The following HPGDS variants were observed in gnomAD, a reference collection of about 807,000 sequenced individuals.
The protein encoded by HPGDS is GST class-sigma.
Under a neutral mutation model 23.1 loss-of-function variants are expected in HPGDS, and 26 were observed. That is an observed-to-expected ratio of 1.13 (90% CI 0.83 to 1.56). HPGDS has a LOEUF of 1.56. Among genes scored for constraint, HPGDS ranks in the 40% most tolerant of loss-of-function variants. The pLI is 0.00. For missense variants in HPGDS, 268 were observed against 236.4 expected (o/e 1.13, Z -0.88); for synonymous variants, 95 against 77.9 (o/e 1.22, Z -1.16).
At chr4:94,311,988 C>A (rs1214335345) in intron 3 of HPGDS, among the ~76,000 whole-genome samples, 5 of 151,934 alleles carry the variant, frequency 3.3e-5, no homozygotes, top group Non-Finnish European at 7.4e-5. Context: ...GGTTATATCC[C>A]CTTTATCATT....
chr4:94,318,008 A>C (rs767728883), intron 2 of HPGDS, 43 bp from the exon 3 acceptor site: 1 of 1,129,696 alleles, frequency 8.9e-7, no homozygotes, highest in East Asian at 2.4e-5. Flanking sequence ...TAACAAAACC[A>C]GAAGTTATAT....
intron 2 of HPGDS, among the ~76,000 whole-genome samples, chr4:94,330,311 C>G (rs564000164): frequency 3.3e-5 from 5 of 152,084 alleles, no homozygotes; most frequent in Non-Finnish European, 7.4e-5. Flanking sequence ...CAAGGAAGTT[C>G]CAAAATTTGT....
intron 2 of HPGDS, among the ~76,000 whole-genome samples, chr4:94,330,997 C>A (rs961737260): frequency 2.0e-5 from 3 of 152,170 alleles, no homozygotes; most frequent in Non-Finnish European, 2.9e-5. Context: ...AGTAAAGTGA[C>A]ACACAAAAAT....
intron 3 of HPGDS, among the ~76,000 whole-genome samples, chr4:94,309,794 G>T (rs1329184860): frequency 6.6e-6 from 1 of 151,748 alleles, no homozygotes; most frequent in African/African-American, 2.4e-5. Flanking sequence ...AGCACCTGTT[G>T]TTTCCTGACT....
chr4:94,310,996 G>T (rs1756256578), intron 3 of HPGDS, among the ~76,000 whole-genome samples: 1 of 152,164 alleles, frequency 6.6e-6, no homozygotes, highest in African/African-American at 2.4e-5. Flanking sequence ...TGTATCCTGA[G>T]ACTTTGCTGA....
chr4:94,305,601 T>A (rs948446323), intron 4 of HPGDS, among the ~76,000 whole-genome samples: 1 of 152,144 alleles, frequency 6.6e-6, no homozygotes, highest in African/African-American at 2.4e-5. Context: ...AACATGTACA[T>A]AAATATTCAT....
Position 94,299,385 on chromosome 4 carries a change from G to A in HPGDS, c.*95C>T. 1 of 1,027,396 alleles carries A rather than the reference G, an allele frequency of 9.7e-7. No individual in the cohort carries two copies. The highest frequency in any genetic ancestry group is 1.4e-6 in the Non-Finnish European group (1 of 723,648). 63.6% of individuals were successfully genotyped at this position (1,027,396 alleles called of 1,614,324 possible). ...TGAAAATCTTAGTGGAGCTGGGGAGGGAGCATGTGGATTATCTGGCAGGCT... is the reference window on the plus strand; with the variant it reads ...TGAAAATCTTAGTGGAGCTGGGGAGAGAGCATGTGGATTATCTGGCAGGCT... On this transcript the variant is annotated 3_prime_UTR_variant, in exon 6 of 6. Coordinates refer to ENST00000295256, the MANE Select transcript of HPGDS (RefSeq NM_014485.3).
intron 2 of HPGDS, among the ~76,000 whole-genome samples, chr4:94,330,864 A>T (rs1259979887): frequency 6.6e-6 from 1 of 152,240 alleles, no homozygotes; most frequent in East Asian, 1.9e-4. Flanking sequence ...CAGCCGAATT[A>T]AATTTAAAGG....
intron 2 of HPGDS, among the ~76,000 whole-genome samples, chr4:94,330,532 G>A (rs114585889): frequency 6.6e-6 from 1 of 152,138 alleles, no homozygotes; most frequent in East Asian, 1.9e-4. Context: ...AAATTATTAA[G>A]TACAAGACCA....
At chr4:94,307,572 C>T (rs535973451) in intron 4 of HPGDS, among the ~76,000 whole-genome samples, 1 of 152,236 alleles carries the variant, frequency 6.6e-6, no homozygotes. Flanking sequence ...AGAATGGCAT[C>T]ACTGGAATAA....
chr4:94,308,476 G>C (rs570718848), intron 4 of HPGDS, among the ~76,000 whole-genome samples, 158 bp downstream of exon 4: 1 of 152,154 alleles, frequency 6.6e-6, no homozygotes, highest in South Asian at 2.1e-4. Context: ...GGGTACAATA[G>C]GGAATTGCTG....
At chr4:94,318,867 C>A (rs1347859462) in intron 2 of HPGDS, among the ~76,000 whole-genome samples, 1 of 152,114 alleles carries the variant, frequency 6.6e-6, no homozygotes, top group Non-Finnish European at 1.5e-5. Flanking sequence ...TTTGTGCCAC[C>A]ACACCCAGAT....
At chr4:94,320,397 A>G (rs996015938) in intron 2 of HPGDS, among the ~76,000 whole-genome samples, 1 of 152,048 alleles carries the variant, frequency 6.6e-6, no homozygotes, top group African/African-American at 2.4e-5. Flanking sequence ...AAGTGTTCCT[A>G]TTTCTCCACA....
chr4:94,309,757 G>C (rs1756222094), intron 3 of HPGDS, among the ~76,000 whole-genome samples: 2 of 151,566 alleles, frequency 1.3e-5, no homozygotes, highest in Admixed American at 6.6e-5. Context: ...CAGTGTAAAA[G>C]TGTTCCTATT....
chr4:94,308,950 T>G (rs1347938851), intron 3 of HPGDS, among the ~76,000 whole-genome samples: 1 of 151,288 alleles, frequency 6.6e-6, no homozygotes, highest in African/African-American at 2.4e-5. Flanking sequence ...TATTTCTTTA[T>G]GAAAATACAA....
chr4:94,299,845 TG>T (rs973185088), intron 5 of HPGDS, among the ~76,000 whole-genome samples: 1 of 152,216 alleles, frequency 6.6e-6, no homozygotes, highest in African/African-American at 2.4e-5. Flanking sequence ...AACATTTTCG[TG>T]TATAAGATAT....
rs749253895 is a variant in HPGDS, at chr4:94,308,704, T to A, written c.266A>T (p.Asp89Val). ...GNTEMEQCHV[D>V]AIVDTLDDFM... is the part of the protein sequence containing the mutation. ...ATCATCCAGAGTGTCCACAATAGCA[T>A]CAACATGACATTGTTCCATTTCTGT... Residue 89 changes from aspartate (D) to valine (V), a missense_variant, in exon 4 of 6, where the codon GAT becomes GTT. Transcript: ENST00000295256. The A allele has an allele frequency of 1.2e-6, 2 of 1,609,062 alleles. No individual in the cohort carries two copies. The highest frequency in any genetic ancestry group is 3.3e-5 in the Admixed American group (2 of 59,816).
chr4:94,325,652 G>C (rs541629697), intron 2 of HPGDS, among the ~76,000 whole-genome samples: 1 of 152,324 alleles, frequency 6.6e-6, no homozygotes, highest in South Asian at 2.1e-4. Flanking sequence ...TGCAGTATTT[G>C]GGTGGCAGTG....
Position 94,326,826 on chromosome 4 carries a change from C to T in HPGDS, c.133+7671G>A, listed in dbSNP as rs541813840. Among the ~76,000 whole-genome samples the T allele has an allele frequency of 2.7e-4, 41 of 152,076 alleles. 1 individual carries two copies. In the South Asian group the frequency reaches 8.3e-3, roughly 31 times the overall value. On this transcript the variant is annotated intron_variant, in intron 2 of 5. Transcript: ENST00000295256. The stretch of plus-strand genomic sequence containing the variant: ...ATTTCTGTGTATCTGGTATAGTAGT[C>T]GCTCCTTTCAGTTTTATGGATTGAT...
Sources: allele counts gnomAD v4.1 joint callset (sites outside exome capture counted in the v4.1 genomes callset), GRCh38; gene constraint gnomAD v4.1.1; transcripts MANE v1.5; gene names NCBI Gene and HGNC (gene_info 2026-07-23, HGNC 2026-07-21).